Variants in ITGA11 observed in about 807,000 individuals in gnomAD.
The protein encoded by ITGA11 is integrin subunit alpha 11, also known as integrin alpha-11.
A neutral mutation model predicts 141.9 loss-of-function variants in ITGA11; 97 were observed. The observed-to-expected ratio is 0.68, with a 90% CI of 0.58 to 0.81. The LOEUF is 0.81. ITGA11 is among the 30% of genes least tolerant of loss of function. The pLI is 0.00. For synonymous variants in ITGA11, 658 were observed against 624.6 expected (o/e 1.05, Z -0.80); for missense variants, 1,387 against 1,559.2 (o/e 0.89, Z 1.86).
chr15:68,351,694 G>T (rs1363621707), intron 7 of ITGA11, among the ~76,000 whole-genome samples: 1 of 152,072 alleles, frequency 6.6e-6, no homozygotes, highest in African/African-American at 2.4e-5. Flanking sequence ...AGGTGGACCT[G>T]GGAGGGGAGT....
chr15:68,422,100 G>A (rs1411256100), intron 1 of ITGA11, among the ~76,000 whole-genome samples: 1 of 152,176 alleles, frequency 6.6e-6, no homozygotes, highest in Admixed American at 6.5e-5. Context: ...GAAAAGGGGT[G>A]GAGGGATAGA....
At chr15:68,403,171 G>T (rs1197505970) in intron 1 of ITGA11, 142 bp from the exon 2 acceptor site, 25 of 642,180 alleles carry the variant, frequency 3.9e-5, no homozygotes, top group Non-Finnish European at 8.5e-6. Context: ...CCATCTTGGG[G>T]AGTCCCTGTA....
At chr15:68,365,385 G>A (rs796393734) in intron 3 of ITGA11, 1 of 968,168 alleles carries the variant, frequency 1.0e-6, no homozygotes, top group African/African-American at 1.8e-5. Context: ...GCCAAGAGAG[G>A]TGCTTAGGAG....
At chr15:68,416,713 C>G (rs952223751) in intron 1 of ITGA11, among the ~76,000 whole-genome samples, 2 of 151,986 alleles carry the variant, frequency 1.3e-5, no homozygotes, top group African/African-American at 4.8e-5. Context: ...CTCAGGAGTT[C>G]GAGACCAGCC....
At chr15:68,389,348 T>C (rs1896061987) in intron 2 of ITGA11, among the ~76,000 whole-genome samples, 1 of 152,208 alleles carries the variant, frequency 6.6e-6, no homozygotes, top group African/African-American at 2.4e-5. Flanking sequence ...CTTATGCAAA[T>C]ACACTTAGTG....
chr15:68,325,944 C>CTTGTTAAAA lies in ITGA11; in HGVS notation c.2212-704_2212-703insTTTTAACAA, dbSNP rs1371631804. ...GTGCTGGCGCCAGCCCCAGCCCCAGCCCCAGAGTTTCTGAGTCAGAACAAG... is the reference window on the plus strand; with the variant it reads ...GTGCTGGCGCCAGCCCCAGCCCCAGCTTGTTAAAACCCAGAGTTTCTGAGTCAGAACAAG... On this transcript the variant is annotated intron_variant, in intron 17 of 29. Transcript: ENST00000315757. This position sits in a 1 kb window ranked among gnomAD's most constrained non-coding sequence, Gnocchi z 5.5. 4.6e-5 allele frequency among the ~76,000 whole-genome samples: 7 copies of CTTGTTAAAA among 152,232 alleles called. No individual in the cohort carries two copies. The highest frequency in any genetic ancestry group is 7.2e-5 in the African/African-American group (3 of 41,456).
rs1894054415 is a variant in ITGA11 at position 68,328,452 on chromosome 15, C to T, written c.1902-190G>A. 6.6e-6 allele frequency among the ~76,000 whole-genome samples: 1 copy of T among 152,116 alleles called. No individual in the cohort carries two copies. Among genetic ancestry groups the T allele is most frequent in the African/African-American group, 2.4e-5 (1 of 41,400 alleles). ...ATGTCAAAGGACTGGCAAGAGCGAG[C>T]ACGGGGCGAAAGGGGCTCAGCCACC... On this transcript the variant is annotated intron_variant, in intron 15 of 29. Transcript: ENST00000315757. This position sits in a 1 kb window ranked among gnomAD's most constrained non-coding sequence, Gnocchi z 4.8.
Position 68,324,710 on chromosome 15 carries a change from G to C in ITGA11, c.2322+421C>G, listed in dbSNP as rs1427702130. Reference sequence around the variant, plus strand: ...TTTTTGCAATACTTAGGAGCTCTGTGAATCAGTTAGTCACCTAACAAGCAG... The same window carrying C: ...TTTTTGCAATACTTAGGAGCTCTGTCAATCAGTTAGTCACCTAACAAGCAG... On this transcript the variant is annotated intron_variant, in intron 18 of 29. Coordinates refer to ENST00000315757, the MANE Select transcript of ITGA11 (RefSeq NM_001004439.2). The surrounding 1 kb of genome is among the most constrained non-coding windows in gnomAD (Gnocchi z 6.3). Among the ~76,000 whole-genome samples the C allele has an allele frequency of 6.6e-6, 1 of 152,066 alleles. No individual in the cohort carries two copies. The highest frequency in any genetic ancestry group is 2.4e-5 in the African/African-American group (1 of 41,394).
chr15:68,422,491 CATCTT>C (rs1372065399), intron 1 of ITGA11, among the ~76,000 whole-genome samples: 1 of 152,086 alleles, frequency 6.6e-6, no homozygotes, highest in African/African-American at 2.4e-5. Flanking sequence ...CTGCAGTAGC[CATCTT>C]ATCATTCTAC....
At position 68,348,854 on chromosome 15, in the gene ITGA11, C is replaced by A. The variant is rs762289845; in HGVS notation, c.1107G>T (p.Thr369=). The change falls in exon 10 of 30, where the codon ACG becomes ACT. Residue 369 remains threonine (T), a synonymous_variant. Coordinates refer to ENST00000315757, the MANE Select transcript of ITGA11 (RefSeq NM_001004439.2). The stretch of plus-strand genomic sequence containing the variant: ...CCTCCACCACGTGCGAGGAAAAGCC[C>A]GTCTGTGACATCTCCAGCCCAAAGG... ...ETSFGLEMSQ[T]GFSSHVVEDG... 6.2e-6 allele frequency: 10 copies of A among 1,609,268 alleles called. No individual in the cohort carries two copies. Among genetic ancestry groups the A allele is most frequent in the East Asian group, 2.2e-5 (1 of 44,696 alleles).
chr15:68,326,642 C>T lies in ITGA11; in HGVS notation c.2211+12G>A, dbSNP rs1453351814. On this transcript the variant is annotated intron_variant, in intron 17 of 29. Transcript: ENST00000315757. This position sits in a 1 kb window ranked among gnomAD's most constrained non-coding sequence, Gnocchi z 6.8. Reference sequence around the variant, plus strand: ...AGGAGCTTGGGCTCTGCTGGTGGGGCTGCCAGCTTACCAGGACATGGAAGT... The same window carrying T: ...AGGAGCTTGGGCTCTGCTGGTGGGGTTGCCAGCTTACCAGGACATGGAAGT... The T allele has an allele frequency of 1.3e-6, 2 of 1,580,992 alleles. No individual in the cohort carries two copies. Among genetic ancestry groups the T allele is most frequent in the Non-Finnish European group, 1.7e-6 (2 of 1,163,316 alleles).
chr15:68,343,000 T>TCTCC, intron 10 of ITGA11, among the ~76,000 whole-genome samples: 1 of 3,758 alleles, frequency 2.7e-4, no homozygotes, highest in African/African-American at 4.7e-4. Flanking sequence ...CAAGTTCTTC[T>TCTCC]CTCTCTCTCT....
intron 13 of ITGA11, 82 bp from the exon 14 acceptor site, chr15:68,332,144 G>T: frequency 7.6e-7 from 1 of 1,318,158 alleles, no homozygotes. Flanking sequence ...AGGCTGCTCC[G>T]GCATCCTCTC....
At chr15:68,338,865 C>T (rs1354766318) in intron 11 of ITGA11, among the ~76,000 whole-genome samples, 1 of 152,226 alleles carries the variant, frequency 6.6e-6, no homozygotes, top group Non-Finnish European at 1.5e-5. Context: ...CATCACCCCC[C>T]TTGCCGCCCT....
At chr15:68,365,391 A>T (rs1895386643) in intron 3 of ITGA11, 11 of 957,894 alleles carry the variant, frequency 1.1e-5, no homozygotes, top group Non-Finnish European at 1.4e-5. Context: ...AGAGGTGCTT[A>T]GGAGCTGGGT....
intron 12 of ITGA11, among the ~76,000 whole-genome samples, chr15:68,334,212 A>G (rs925047046): frequency 6.6e-6 from 1 of 152,192 alleles, no homozygotes; most frequent in African/African-American, 2.4e-5. Flanking sequence ...ATTAATGCTT[A>G]TTGGATCACT....
intron 2 of ITGA11, among the ~76,000 whole-genome samples, chr15:68,388,536 C>T (rs1263979143): frequency 6.6e-6 from 1 of 152,144 alleles, no homozygotes; most frequent in East Asian, 1.9e-4. Context: ...CTTTTTGCCC[C>T]TCCAGAAGAA....
chr15:68,309,328 C>T (rs557279981), intron 26 of ITGA11, among the ~76,000 whole-genome samples: 1 of 152,292 alleles, frequency 6.6e-6, no homozygotes, highest in South Asian at 2.1e-4. Flanking sequence ...GAAAGTTAAT[C>T]AAAGCTTTAG....
At chr15:68,420,238 C>T (rs1896985034) in intron 1 of ITGA11, among the ~76,000 whole-genome samples, 1 of 152,292 alleles carries the variant, frequency 6.6e-6, no homozygotes, top group South Asian at 2.1e-4. Context: ...CTGCTGCATG[C>T]TCCCTGCCCC....
Sources: gnomAD v4.1 joint callset for allele counts (sites outside exome capture counted in the v4.1 genomes callset) on GRCh38, gnomAD v4.1.1 for gene constraint, Gnocchi (gnomAD v3.1) non-coding constraint, MANE v1.5 for transcripts, NCBI Gene and HGNC (gene_info 2026-07-23, HGNC 2026-07-21) for gene names.